CTNNA3: variants seen among roughly 807,000 people sequenced by gnomAD.
CTNNA3 encodes catenin alpha-3.
In CTNNA3, 76 loss-of-function variants were observed where a neutral mutation model predicts 95.7. The observed-to-expected ratio is 0.79, with a 90% CI of 0.66 to 0.96. The LOEUF is 0.96. Among genes scored for constraint, CTNNA3 ranks in the 40% least tolerant of loss-of-function variants. The pLI is 0.00. For missense variants in CTNNA3, 1,191 were observed against 1,089.8 expected, an observed-to-expected ratio of 1.09 and a Z score of -1.31; for synonymous variants, 431 against 374.4, an observed-to-expected ratio of 1.15 and a Z score of -1.74.
At chr10:66,406,739 T>C (rs1470310625) in intron 11 of CTNNA3, among the ~76,000 whole-genome samples, 1 of 152,136 alleles carries the variant, frequency 6.6e-6, no homozygotes, top group Non-Finnish European at 1.5e-5. Flanking sequence ...TAGGATTACA[T>C]CTGGACAATT....
At chr10:66,338,335 T>C (rs965558070) in intron 12 of CTNNA3, among the ~76,000 whole-genome samples, 1 of 152,018 alleles carries the variant, frequency 6.6e-6, no homozygotes, top group Non-Finnish European at 1.5e-5. Flanking sequence ...AGAGTTCTTA[T>C]TGTGGTCATG....
chr10:66,968,989 C>A (rs1849580426), intron 7 of CTNNA3, among the ~76,000 whole-genome samples: 1 of 151,820 alleles, frequency 6.6e-6, no homozygotes. Flanking sequence ...TGCACTCCAG[C>A]CTGGGCAACA....
chr10:67,112,123 T>A (rs1433272528), intron 7 of CTNNA3, among the ~76,000 whole-genome samples: 1 of 152,174 alleles, frequency 6.6e-6, no homozygotes, highest in Non-Finnish European at 1.5e-5. Context: ...AACAACTGAT[T>A]TATTTATAAC....
At chr10:67,237,169 T>TATAC (rs1564502811) in intron 5 of CTNNA3, among the ~76,000 whole-genome samples, 2 of 117,646 alleles carry the variant, frequency 1.7e-5, no homozygotes, top group Non-Finnish European at 3.6e-5. Flanking sequence ...TATATATATA[T>TATAC]ATATACACAC....
At chr10:66,701,508 T>C (rs1269581744) in intron 9 of CTNNA3, among the ~76,000 whole-genome samples, 1 of 152,176 alleles carries the variant, frequency 6.6e-6, no homozygotes, top group East Asian at 1.9e-4. Flanking sequence ...ATAATCTGCA[T>C]TTATTTAGGT....
At chr10:67,053,725 GT>G (rs776328806) in intron 7 of CTNNA3, among the ~76,000 whole-genome samples, 43 of 152,272 alleles carry the variant, frequency 2.8e-4, no homozygotes, top group Non-Finnish European at 5.6e-4. Context: ...ATAAATGGTG[GT>G]AAGCAATGGA....
intron 9 of CTNNA3, among the ~76,000 whole-genome samples, chr10:66,674,074 T>A (rs971487067): frequency 1.3e-5 from 2 of 152,018 alleles, no homozygotes; most frequent in Admixed American, 6.6e-5. Flanking sequence ...TATCTTCTCC[T>A]GTGACTATTG....
chr10:67,131,685 T>C (rs1339079706), intron 7 of CTNNA3, among the ~76,000 whole-genome samples: 1 of 152,012 alleles, frequency 6.6e-6, no homozygotes, highest in South Asian at 2.1e-4. Context: ...GAGCTGGGCA[T>C]ATAAGAGGTG....
At chr10:65,945,035 T>C (rs2077494610) in intron 17 of CTNNA3, among the ~76,000 whole-genome samples, 1 of 152,150 alleles carries the variant, frequency 6.6e-6, no homozygotes, top group Admixed American at 6.5e-5. Flanking sequence ...CTAATATTAT[T>C]ATATTTAATC....
intron 15 of CTNNA3, among the ~76,000 whole-genome samples, chr10:66,056,749 T>C (rs1322783450): frequency 1.3e-5 from 2 of 152,224 alleles, no homozygotes; most frequent in South Asian, 4.1e-4. Context: ...CATTCAATCT[T>C]GGTACTTGCA....
chr10:66,839,984 A>G (rs1322121488), intron 7 of CTNNA3, among the ~76,000 whole-genome samples: 1 of 152,144 alleles, frequency 6.6e-6, no homozygotes, highest in Non-Finnish European at 1.5e-5. Context: ...TCACCCATTA[A>G]TTAGCTCTGG....
At chr10:66,600,124 C>T (rs1345407990) in intron 10 of CTNNA3, among the ~76,000 whole-genome samples, 1 of 151,634 alleles carries the variant, frequency 6.6e-6, no homozygotes, top group Non-Finnish European at 1.5e-5. Flanking sequence ...ATGTTGAACT[C>T]ACCTATAATA....
chr10:67,611,563 G>T (rs189524479), intron 2 of CTNNA3, among the ~76,000 whole-genome samples: 1 of 152,094 alleles, frequency 6.6e-6, no homozygotes, highest in Non-Finnish European at 1.5e-5. Context: ...TGATCCGCCC[G>T]CCTCAGCCTC....
At chr10:67,053,419 C>A (rs939152799) in intron 7 of CTNNA3, among the ~76,000 whole-genome samples, 10 of 152,154 alleles carry the variant, frequency 6.6e-5, no homozygotes, top group Non-Finnish European at 5.9e-5. Flanking sequence ...ACTTGAAGAA[C>A]ATTTTTATAA....
At chr10:66,195,035 C>G (rs2086880896) in intron 13 of CTNNA3, among the ~76,000 whole-genome samples, 1 of 152,118 alleles carries the variant, frequency 6.6e-6, no homozygotes, top group Non-Finnish European at 1.5e-5. Flanking sequence ...TTCAAAATGA[C>G]ATTAAATAAT....
chr10:66,431,440 T>C (rs2093294853), intron 11 of CTNNA3, among the ~76,000 whole-genome samples: 2 of 152,124 alleles, frequency 1.3e-5, no homozygotes, highest in Non-Finnish European at 2.9e-5. Flanking sequence ...TAAAGACACA[T>C]GCACATGTAT....
rs1407608654 is a variant in CTNNA3, at chr10:66,969,033, TAAAC to T, written c.1048-193513_1048-193510del. Reference sequence around the variant, plus strand: ...CTCCATCTCAAAATAAATAAATAAATAAACAAATATTATATGTAAATATATATAT... The same window carrying T: ...CTCCATCTCAAAATAAATAAATAAATAAATATTATATGTAAATATATATAT... On this transcript the variant is annotated intron_variant, in intron 7 of 17. Transcript: ENST00000433211. Among the ~76,000 whole-genome samples the T allele has an allele frequency of 2.6e-5, 4 of 151,856 alleles. No homozygotes were observed. The East Asian group carries it at 7.7e-4, about 29-fold the overall frequency.
At chr10:66,449,608 A>AT (rs778517113) in intron 11 of CTNNA3, among the ~76,000 whole-genome samples, 27 of 152,078 alleles carry the variant, frequency 1.8e-4, no homozygotes, top group Non-Finnish European at 3.5e-4. Flanking sequence ...AAAGGCTATG[A>AT]TTTTTTGCCT....
At chr10:66,202,213 T>C (rs751449485) in intron 13 of CTNNA3, among the ~76,000 whole-genome samples, 56 of 152,222 alleles carry the variant, frequency 3.7e-4, no homozygotes, top group Non-Finnish European at 4.0e-4. Context: ...CACAGTTCCA[T>C]ACAATCTCCC....
Sources: allele counts gnomAD v4.1 joint callset (sites outside exome capture counted in the v4.1 genomes callset), GRCh38; gene constraint gnomAD v4.1.1; transcripts MANE v1.5; gene names NCBI Gene and HGNC (gene_info 2026-07-23, HGNC 2026-07-21).